The following C18orf63 variants were observed in gnomAD, a reference collection of about 807,000 sequenced individuals.
C18orf63 encodes the protein chromosome 18 open reading frame 63.
In C18orf63, 50 loss-of-function variants were observed where a neutral mutation model predicts 75.3. The observed-to-expected ratio is 0.66, with a 90% CI of 0.53 to 0.84. C18orf63 has a LOEUF of 0.84. C18orf63 is among the 40% of genes least tolerant of loss of function. The pLI, the probability that C18orf63 is intolerant of heterozygous loss-of-function variation, is 0.00. For missense variants in C18orf63, 732 were observed against 800.2 expected (o/e 0.91, Z 1.03); for synonymous variants, 232 against 267.6 (o/e 0.87, Z 1.30).
intron 8 of C18orf63, 96 bp from the exon 9 acceptor site, chr18:74,341,936 G>T (rs1000086806): frequency 1.6e-6 from 1 of 638,624 alleles, no homozygotes. Context: ...TGAGATAGTT[G>T]TTGAATCTTT....
At chr18:74,328,163 G>C in intron 5 of C18orf63, 105 bp downstream of exon 5, 1 of 677,664 alleles carries the variant, frequency 1.5e-6, no homozygotes, top group South Asian at 2.0e-5. Context: ...CTGGAGACTG[G>C]AAAATTTATA....
chr18:74,321,881 T>G (rs1238711027), intron 3 of C18orf63, among the ~76,000 whole-genome samples: 2 of 152,186 alleles, frequency 1.3e-5, no homozygotes, highest in Non-Finnish European at 2.9e-5. Flanking sequence ...ACATACATAC[T>G]ATTTTGAAAC....
intron 7 of C18orf63, among the ~76,000 whole-genome samples, chr18:74,338,257 A>G (rs1984424108): frequency 6.6e-6 from 1 of 152,126 alleles, no homozygotes; most frequent in African/African-American, 2.4e-5. Flanking sequence ...TGGGAGGGGT[A>G]TAAAAGGAGA....
At chr18:74,321,506 T>C (rs1222567572) in intron 3 of C18orf63, among the ~76,000 whole-genome samples, 1 of 152,126 alleles carries the variant, frequency 6.6e-6, no homozygotes, top group Non-Finnish European at 1.5e-5. Context: ...GGTTTTCCTG[T>C]GTTTCCCAGG....
intron 11 of C18orf63, among the ~76,000 whole-genome samples, chr18:74,346,656 T>C (rs1223491303): frequency 6.6e-6 from 1 of 152,342 alleles, no homozygotes. Context: ...GTTTATTGAA[T>C]ATATTTCTGG....
chr18:74,355,513 G>C (rs1568241659), intron 13 of C18orf63, among the ~76,000 whole-genome samples: 1 of 152,108 alleles, frequency 6.6e-6, no homozygotes, highest in African/African-American at 2.4e-5. Context: ...AGGAGGGGGG[G>C]CTTACACCTG....
Position 74,354,025 on chromosome 18 carries a change from G to A in C18orf63, c.1758G>A (p.Gly586=), listed in dbSNP as rs1568241285. 4.6e-6 allele frequency: 7 copies of A among 1,536,372 alleles called. 1 individual carries two copies. Among genetic ancestry groups the A allele is most frequent in the South Asian group, 3.6e-5 (3 of 84,062 alleles). Residue 586 remains glycine (G), a synonymous_variant, in exon 12 of 14, where the codon GGG becomes GGA. Transcript: ENST00000579455. ...GITQILGKSH[G]SLKLKRQPHI... ...CACAAATTTTAGGGAAAAGCCATGG[G>A]TCACTAAAACTGAAAAGACAGCCAC...
At chr18:74,319,727 G>A (rs1984087768) in intron 2 of C18orf63, among the ~76,000 whole-genome samples, 1 of 152,066 alleles carries the variant, frequency 6.6e-6, no homozygotes, top group South Asian at 2.1e-4. Context: ...TGCCTCTGGT[G>A]CCCCCTGCCC....
intron 11 of C18orf63, among the ~76,000 whole-genome samples, chr18:74,352,667 A>T (rs1984687312): frequency 6.6e-6 from 1 of 152,166 alleles, no homozygotes; most frequent in Admixed American, 6.5e-5. Flanking sequence ...TTCAACAAGG[A>T]TTTTTAGTAA....
chr18:74,316,458 C>T (rs1214927150), intron 1 of C18orf63, among the ~76,000 whole-genome samples: 3 of 152,294 alleles, frequency 2.0e-5, no homozygotes, highest in African/African-American at 4.8e-5. Context: ...CCCCGCGCCC[C>T]GGGAGGATTT....
At chr18:74,330,775 G>C (rs898698351) in intron 6 of C18orf63, 91 bp from the exon 7 acceptor site, 3 of 528,316 alleles carry the variant, frequency 5.7e-6, no homozygotes, top group Non-Finnish European at 9.7e-6. Flanking sequence ...TTTTTGACTT[G>C]AATAAGTTAG....
chr18:74,322,959 T>C (rs536426007), intron 4 of C18orf63, among the ~76,000 whole-genome samples: 4 of 152,352 alleles, frequency 2.6e-5, no homozygotes, highest in South Asian at 2.1e-4. Flanking sequence ...TTGGATGCTT[T>C]ATTTCAGGCA....
chr18:74,347,557 G>A (rs1460293537), intron 11 of C18orf63, among the ~76,000 whole-genome samples: 2 of 152,160 alleles, frequency 1.3e-5, no homozygotes, highest in Non-Finnish European at 2.9e-5. Context: ...TTTGAAGGGG[G>A]TCATGTCTTT....
chr18:74,350,309 T>G (rs1207464403), intron 11 of C18orf63, among the ~76,000 whole-genome samples: 2 of 152,188 alleles, frequency 1.3e-5, no homozygotes, highest in African/African-American at 4.8e-5. Flanking sequence ...TGTGTACCCC[T>G]CAGATACATA....
intron 8 of C18orf63, among the ~76,000 whole-genome samples, chr18:74,339,970 GA>G (rs1984452901): frequency 6.6e-6 from 1 of 152,052 alleles, no homozygotes; most frequent in African/African-American, 2.4e-5. Context: ...ACGTATCTGT[GA>G]AAAAGCACAG....
At chr18:74,324,106 G>T (rs546955853) in intron 4 of C18orf63, among the ~76,000 whole-genome samples, 2 of 152,210 alleles carry the variant, frequency 1.3e-5, no homozygotes, top group Non-Finnish European at 2.9e-5. Flanking sequence ...ATAAATGTTC[G>T]TAAAGTATAC....
intron 6 of C18orf63, among the ~76,000 whole-genome samples, chr18:74,330,287 A>G (rs1439167657): frequency 6.6e-6 from 1 of 152,200 alleles, no homozygotes; most frequent in Non-Finnish European, 1.5e-5. Flanking sequence ...AGATCAAGAA[A>G]CAACATTAAG....
At chr18:74,320,109 G>A (rs1465897529) in intron 2 of C18orf63, among the ~76,000 whole-genome samples, 1 of 152,166 alleles carries the variant, frequency 6.6e-6, no homozygotes, top group Non-Finnish European at 1.5e-5. Context: ...GATAGTGAGT[G>A]TATTAGTCTG....
intron 4 of C18orf63, among the ~76,000 whole-genome samples, chr18:74,323,588 C>G (rs935433435): frequency 6.6e-6 from 1 of 152,168 alleles, no homozygotes; most frequent in Non-Finnish European, 1.5e-5. Flanking sequence ...TACAAGCTAG[C>G]TATGAGAACC....
Sources: allele counts gnomAD v4.1 joint callset (sites outside exome capture counted in the v4.1 genomes callset), GRCh38; gene constraint gnomAD v4.1.1; transcripts MANE v1.5; gene names NCBI Gene and HGNC (gene_info 2026-07-23, HGNC 2026-07-21).